Variants in CFAP206 observed in about 807,000 individuals in gnomAD.
CFAP206 encodes the protein cilia- and flagella-associated protein 206.
A neutral mutation model predicts 65.4 loss-of-function variants in CFAP206; 53 were observed. The observed-to-expected ratio is 0.81, with a 90% CI of 0.65 to 1.02. The LOEUF is 1.02. Among genes scored for constraint, CFAP206 ranks in the 50% least tolerant of loss-of-function variants. The pLI, the probability that CFAP206 is intolerant of heterozygous loss-of-function variation, is 0.00. For synonymous variants in CFAP206, 250 were observed against 254.4 expected (o/e 0.98, Z 0.17); for missense variants, 663 against 753.2 (o/e 0.88, Z 1.40).
chr6:87,438,558 G>A (rs947461463), intron 11 of CFAP206, among the ~76,000 whole-genome samples: 3 of 151,622 alleles, frequency 2.0e-5, no homozygotes, highest in Admixed American at 1.3e-4. Context: ...GTGTAAAGTT[G>A]TGGTGGCCTT....
In CFAP206 at chr6:87,463,391, CCTT is replaced by C. The variant is rs113262256; in HGVS notation, c.1639-624_1639-622del. On this transcript the variant is annotated intron_variant, in intron 12 of 12. Coordinates refer to ENST00000369562, the MANE Select transcript of CFAP206 (RefSeq NM_001031743.3). Reference sequence around the variant, plus strand: ...ATGTTTCCTCTAATTCCAGGTGTCACCTTCTTCACTCACATGCTATAATGCCTT... The same window carrying C: ...ATGTTTCCTCTAATTCCAGGTGTCACCTTCACTCACATGCTATAATGCCTT... Among the ~76,000 whole-genome samples the C allele has an allele frequency of 7.3e-3, 1,113 of 152,276 alleles. 20 individuals are homozygous for C. Among genetic ancestry groups the C allele is most frequent in the African/African-American group, 0.026 (1,060 of 41,554 alleles).
intron 6 of CFAP206, among the ~76,000 whole-genome samples, chr6:87,417,150 A>C (rs1443628403): frequency 2.6e-5 from 4 of 152,214 alleles, no homozygotes; most frequent in Admixed American, 2.6e-4. Context: ...AAGGGAGTAC[A>C]ATTTAGTTAT....
chr6:87,417,885 A>G (rs183632658), intron 6 of CFAP206, among the ~76,000 whole-genome samples: 12 of 151,478 alleles, frequency 7.9e-5, no homozygotes, highest in African/African-American at 2.7e-4. Flanking sequence ...GATTACAGGC[A>G]TGCGCCACCA....
chr6:87,454,444 C>T (rs1008246356), intron 11 of CFAP206, among the ~76,000 whole-genome samples: 1 of 152,164 alleles, frequency 6.6e-6, no homozygotes, highest in Admixed American at 6.5e-5. Flanking sequence ...TTTTCCTTAG[C>T]ACATGGATCA....
chr6:87,412,077 A>G (rs1424771222), intron 3 of CFAP206, among the ~76,000 whole-genome samples: 1 of 152,190 alleles, frequency 6.6e-6, no homozygotes, highest in Non-Finnish European at 1.5e-5. Flanking sequence ...AGAGTTTTCC[A>G]TTCCCCCCAA....
Position 87,428,523 on chromosome 6 carries a change from A to T in CFAP206, c.961-103A>T, listed in dbSNP as rs576137367. 4 of 1,115,704 alleles carry T rather than the reference A, an allele frequency of 3.6e-6. No individual in the cohort carries two copies. The East Asian group carries it at 9.6e-5, about 27-fold the overall frequency. 69.1% of individuals were successfully genotyped at this position (1,115,704 alleles called of 1,614,324 possible). A position where few individuals can be genotyped will look rare whatever the true frequency, so the allele number is the denominator to read the frequency against. On this transcript the variant is annotated intron_variant, in intron 8 of 12. Transcript: ENST00000369562. ...TTCGTAAGACTTTTGCTTAGGGAGAATTAACTTCTTTACAAATGACAATTG... is the reference window on the plus strand; with the variant it reads ...TTCGTAAGACTTTTGCTTAGGGAGATTTAACTTCTTTACAAATGACAATTG...
In CFAP206 at chr6:87,431,042, T is replaced by C; in HGVS notation, c.1169T>C (p.Val390Ala). Residue 390 changes from valine to alanine, a missense_variant, in exon 10 of 13, where the codon GTA becomes GCA. By Grantham distance (64) the Val-to-Ala change is moderately conservative (BLOSUM62 0). Transcript: ENST00000369562. ...TTCTCCTTCATTTTAGAAGATAGAG[T>C]AAATGTGGCAGATTTCAGAAAACTA... ...CRMKEHMEDR[V>A]NVADFRKLEW... 2 of 1,613,696 alleles carry C rather than the reference T, an allele frequency of 1.2e-6. No individual in the cohort carries two copies. Among genetic ancestry groups the C allele is most frequent in the Non-Finnish European group, 1.7e-6 (2 of 1,179,786 alleles).
At chr6:87,448,627 G>T (rs1768487690) in intron 11 of CFAP206, among the ~76,000 whole-genome samples, 1 of 151,868 alleles carries the variant, frequency 6.6e-6, no homozygotes. Context: ...CTGTAATTTT[G>T]TCCCCATTAG....
chr6:87,445,276 T>A (rs1768423933), intron 11 of CFAP206: 1 of 223,338 alleles, frequency 4.5e-6, no homozygotes, highest in Non-Finnish European at 8.8e-6. Context: ...AAATGTGTGC[T>A]GAGGTGGTTT....
At chr6:87,413,585 A>C (rs1242102069) in intron 3 of CFAP206, among the ~76,000 whole-genome samples, 28 of 152,178 alleles carry the variant, frequency 1.8e-4, no homozygotes. Flanking sequence ...TCCATGTAAC[A>C]AAATGACACT....
intron 11 of CFAP206, among the ~76,000 whole-genome samples, chr6:87,442,416 G>T (rs1768374598): frequency 6.6e-6 from 1 of 152,106 alleles, no homozygotes; most frequent in Admixed American, 6.6e-5. Context: ...CACCATTAGA[G>T]AGTAGAGTGA....
At chr6:87,437,466 A>T (rs1768290576) in intron 11 of CFAP206, among the ~76,000 whole-genome samples, 1 of 152,134 alleles carries the variant, frequency 6.6e-6, no homozygotes, top group Non-Finnish European at 1.5e-5. Flanking sequence ...AAGTTATAAA[A>T]GTTGCAAATG....
At chr6:87,457,128 C>T (rs1428125551) in intron 11 of CFAP206, among the ~76,000 whole-genome samples, 10 of 126,974 alleles carry the variant, frequency 7.9e-5, no homozygotes, top group Non-Finnish European at 1.4e-4. Flanking sequence ...CCAGCCTGGG[C>T]GACAGAGTGA....
intron 3 of CFAP206, 56 bp downstream of exon 3, chr6:87,410,724 A>T (rs535433828): frequency 7.6e-7 from 1 of 1,320,434 alleles, no homozygotes; most frequent in African/African-American, 1.5e-5. Context: ...TGTAAATACA[A>T]TATTTGTATT....
At chr6:87,453,074 A>C (rs1321765287) in intron 11 of CFAP206, among the ~76,000 whole-genome samples, 1 of 152,162 alleles carries the variant, frequency 6.6e-6, no homozygotes, top group African/African-American at 2.4e-5. Flanking sequence ...GGATCCTAAA[A>C]GCAGCAAGAG....
chr6:87,433,972 C>T (rs1242315290), intron 10 of CFAP206, among the ~76,000 whole-genome samples: 4 of 151,944 alleles, frequency 2.6e-5, no homozygotes, highest in Admixed American at 2.6e-4. Context: ...TGGTGGTGCA[C>T]ACCTGTAATC....
chr6:87,439,549 ACAAGT>A (rs1768330415), intron 11 of CFAP206, among the ~76,000 whole-genome samples: 1 of 152,050 alleles, frequency 6.6e-6, no homozygotes, highest in African/African-American at 2.4e-5. Context: ...CTCTTGATGA[ACAAGT>A]CTTTTATTTT....
intron 1 of CFAP206, chr6:87,408,639 G>A (rs1767672448): frequency 1.3e-5 from 2 of 152,260 alleles, no homozygotes; most frequent in Admixed American, 6.5e-5. Flanking sequence ...TGGCACTTGC[G>A]CATGCGCTGC....
chr6:87,411,912 A>G (rs1169990698), intron 3 of CFAP206, among the ~76,000 whole-genome samples: 1 of 152,260 alleles, frequency 6.6e-6, no homozygotes, highest in African/African-American at 2.4e-5. Flanking sequence ...TAAAAACATA[A>G]CAGATATTGG....
Sources: gnomAD v4.1 joint callset for allele counts (sites outside exome capture counted in the v4.1 genomes callset) on GRCh38, gnomAD v4.1.1 for gene constraint, MANE v1.5 for transcripts, NCBI Gene and HGNC (gene_info 2026-07-23, HGNC 2026-07-21) for gene names.